The following LUZP2 variants were observed in gnomAD, a reference collection of about 807,000 sequenced individuals.
LUZP2 encodes the protein leucine zipper protein 2.
In LUZP2, 52 loss-of-function variants were observed where a neutral mutation model predicts 51.6. The observed-to-expected ratio is 1.01, with a 90% CI of 0.81 to 1.27. The LOEUF (loss-of-function observed/expected upper bound fraction) is 1.27, where lower values mean the gene tolerates loss of function less well. LUZP2 is among the 50% of genes most tolerant of loss of function. The pLI, the probability that LUZP2 is intolerant of heterozygous loss-of-function variation, is 0.00. For missense variants in LUZP2, 436 were observed against 395.4 expected (o/e 1.10, Z -0.87); for synonymous variants, 154 against 137.3 (o/e 1.12, Z -0.85).
chr11:24,506,612 G>A (rs1421501212), intron 1 of LUZP2, among the ~76,000 whole-genome samples: 2 of 151,962 alleles, frequency 1.3e-5, no homozygotes, highest in East Asian at 1.9e-4. Flanking sequence ...ATTTCAGTTG[G>A]CCATTTTATA....
chr11:24,666,809 A>G (rs571016490), intron 1 of LUZP2, among the ~76,000 whole-genome samples: 5 of 152,306 alleles, frequency 3.3e-5, no homozygotes, highest in Admixed American at 6.5e-5. Context: ...ACAGGGGATG[A>G]AGGATTGTTT....
intron 7 of LUZP2, among the ~76,000 whole-genome samples, chr11:24,923,595 G>A (rs545380463): frequency 8.5e-5 from 13 of 152,194 alleles, no homozygotes. Flanking sequence ...TACTTGGGAG[G>A]CTGAGGCAGG....
At chr11:24,883,881 A>G (rs1012550807) in intron 5 of LUZP2, among the ~76,000 whole-genome samples, 2 of 152,020 alleles carry the variant, frequency 1.3e-5, no homozygotes, top group African/African-American at 4.8e-5. Context: ...GTAAAACTCC[A>G]TAAGTAGAAT....
At chr11:24,654,476 C>T (rs914176942) in intron 1 of LUZP2, among the ~76,000 whole-genome samples, 3 of 151,960 alleles carry the variant, frequency 2.0e-5, no homozygotes, top group Non-Finnish European at 4.4e-5. Flanking sequence ...AATGCAGTGG[C>T]ACGCTCTCTG....
intron 6 of LUZP2, among the ~76,000 whole-genome samples, chr11:24,909,876 T>C (rs1853570745): frequency 6.6e-6 from 1 of 152,124 alleles, no homozygotes; most frequent in Admixed American, 6.5e-5. Context: ...ACTTTGGAAC[T>C]GGCTAACAGG....
intron 9 of LUZP2, among the ~76,000 whole-genome samples, chr11:24,984,952 G>A (rs1320733960): frequency 6.6e-6 from 1 of 151,446 alleles, no homozygotes; most frequent in Non-Finnish European, 1.5e-5. Flanking sequence ...AGATGTCTGT[G>A]CTTAGCTCAT....
intron 5 of LUZP2, chr11:24,891,630 C>G (rs1852856058): frequency 1.4e-6 from 1 of 698,208 alleles, no homozygotes; most frequent in Non-Finnish European, 1.8e-6. Flanking sequence ...TTGATAAGTC[C>G]TATGTGTCCT....
chr11:24,674,718 G>A (rs1407515310), intron 1 of LUZP2, among the ~76,000 whole-genome samples: 1 of 151,942 alleles, frequency 6.6e-6, no homozygotes, highest in Non-Finnish European at 1.5e-5. Flanking sequence ...GAAAAAAAAA[G>A]TCTGTGAGAT....
chr11:24,814,814 A>T (rs1850125768), intron 5 of LUZP2, among the ~76,000 whole-genome samples: 1 of 152,022 alleles, frequency 6.6e-6, no homozygotes, highest in Non-Finnish European at 1.5e-5. Context: ...AACACGGTGA[A>T]ACCCCTTCTC....
intron 1 of LUZP2, among the ~76,000 whole-genome samples, chr11:24,602,109 T>TGTATATAC (rs1853696277): frequency 1.7e-5 from 2 of 118,532 alleles, no homozygotes; most frequent in African/African-American, 7.1e-5. Flanking sequence ...TGTGTATATG[T>TGTATATAC]GTATATATGT....
At chr11:24,703,011 G>C (rs958687493) in intron 1 of LUZP2, among the ~76,000 whole-genome samples, 2 of 152,082 alleles carry the variant, frequency 1.3e-5, no homozygotes, top group African/African-American at 4.8e-5. Flanking sequence ...ATCTGTGTTG[G>C]GCAAGGAGGC....
intron 1 of LUZP2, among the ~76,000 whole-genome samples, chr11:24,623,450 G>T (rs1465044120): frequency 6.6e-6 from 1 of 152,054 alleles, no homozygotes; most frequent in Non-Finnish European, 1.5e-5. Context: ...ATGGAATTTT[G>T]CAGGCTTTTG....
At chr11:24,729,516 C>T (rs1384365728) in intron 2 of LUZP2, among the ~76,000 whole-genome samples, 1 of 151,916 alleles carries the variant, frequency 6.6e-6, no homozygotes, top group African/African-American at 2.4e-5. Context: ...GCAGAGCCAT[C>T]AATTCCTCAA....
intron 1 of LUZP2, among the ~76,000 whole-genome samples, chr11:24,618,635 A>G (rs1605871): frequency 0.36 from 54,017 of 152,108 alleles, 9,749 homozygotes; most frequent in Middle Eastern, 0.43. Flanking sequence ...AGTCTGAGAT[A>G]CATGAGACAA....
At chr11:24,515,145 C>T (rs534619603) in intron 1 of LUZP2, among the ~76,000 whole-genome samples, 1 of 152,222 alleles carries the variant, frequency 6.6e-6, no homozygotes, top group South Asian at 2.1e-4. Context: ...TTAACTAAGT[C>T]CTCTGATGTA....
intron 1 of LUZP2, among the ~76,000 whole-genome samples, chr11:24,616,220 C>T (rs1001697169): frequency 6.6e-6 from 1 of 151,948 alleles, no homozygotes; most frequent in Non-Finnish European, 1.5e-5. Flanking sequence ...AGAGAACTTA[C>T]CATTTTTTTT....
intron 5 of LUZP2, among the ~76,000 whole-genome samples, chr11:24,810,637 G>T (rs1461495296): frequency 6.6e-6 from 1 of 152,232 alleles, no homozygotes. Context: ...AAGTAAGATA[G>T]GTGTATAGTG....
intron 9 of LUZP2, among the ~76,000 whole-genome samples, chr11:25,012,894 GAGAT>G (rs1857024229): frequency 6.6e-6 from 1 of 152,030 alleles, no homozygotes; most frequent in Non-Finnish European, 1.5e-5. Context: ...GGAAAAGAAA[GAGAT>G]ATATCAAATG....
chr11:24,580,055 G>GT (rs948913796), intron 1 of LUZP2, among the ~76,000 whole-genome samples: 12 of 152,084 alleles, frequency 7.9e-5, no homozygotes, highest in Admixed American at 3.9e-4. Context: ...AAATATCCAG[G>GT]TTTTTTTATG....
Sources: gnomAD v4.1 joint callset for allele counts (sites outside exome capture counted in the v4.1 genomes callset) on GRCh38, gnomAD v4.1.1 for gene constraint, MANE v1.5 for transcripts, NCBI Gene and HGNC (gene_info 2026-07-23, HGNC 2026-07-21) for gene names.